Variants in TRABD2A observed in about 807,000 individuals in gnomAD.
TRABD2A encodes TraB domain containing 2A.
Under a neutral mutation model 45.6 loss-of-function variants are expected in TRABD2A, and 43 were observed. The observed-to-expected ratio is 0.94, with a 90% CI of 0.74 to 1.22. The LOEUF (loss-of-function observed/expected upper bound fraction) is 1.22, where lower values mean the gene tolerates loss of function less well. TRABD2A is among the 50% of genes most tolerant of loss of function. TRABD2A has a pLI of 0.00. For missense variants in TRABD2A, 642 were observed against 652.4 expected (o/e 0.98, Z 0.17); for synonymous variants, 269 against 265.0 (o/e 1.02, Z -0.15).
intron 1 of TRABD2A, among the ~76,000 whole-genome samples, chr2:84,873,048 G>C (rs1156290626): frequency 6.7e-6 from 1 of 150,152 alleles, no homozygotes; most frequent in Non-Finnish European, 1.5e-5. Flanking sequence ...CTAGGAGGTG[G>C]AGGTTGCAGT....
chr2:84,850,562 C>T (rs1682049274), intron 2 of TRABD2A: 1 of 152,012 alleles, frequency 6.6e-6, no homozygotes, highest in African/African-American at 2.4e-5. Flanking sequence ...GGTGGAGGCC[C>T]CAGAGAGAGA....
At chr2:84,874,806 C>A in intron 1 of TRABD2A, 1 of 225,388 alleles carries the variant, frequency 4.4e-6, no homozygotes, top group Non-Finnish European at 9.1e-6. Context: ...CCATTCAGAA[C>A]AGAGAGGCCC....
At position 84,870,780 on chromosome 2, in the gene TRABD2A, G is replaced by A. The variant is rs759252203; in HGVS notation, c.114C>T (p.Ser38=). 15 of 1,573,718 alleles carry A rather than the reference G, an allele frequency of 9.5e-6. No homozygotes were observed. Among genetic ancestry groups the A allele is most frequent in the Admixed American group, 7.4e-5 (4 of 53,752 alleles). Residue 38 remains serine (S), a synonymous_variant, in exon 2 of 7, where the codon AGC becomes AGT. Transcript: ENST00000409520. ...TGGTCCACAAGAAGGAATTCAGCTC[G>A]CTTTGCTGAAAAGAAAAGAGGTAAC... ...TANCELKPQQ[S]ELNSFLWTIK...
chr2:84,880,808 A>G (rs1683178379), intron 1 of TRABD2A, 124 bp downstream of exon 1: 1 of 1,384,222 alleles, frequency 7.2e-7, no homozygotes, highest in Non-Finnish European at 9.8e-7. Flanking sequence ...CCGCGGTGCT[A>G]GGTGAAAGCC....
chr2:84,827,289 G>A (rs1447215731), intron 5 of TRABD2A, among the ~76,000 whole-genome samples: 1 of 152,206 alleles, frequency 6.6e-6, no homozygotes, highest in African/African-American at 2.4e-5. Flanking sequence ...AAGTCTCCAA[G>A]AAAGAAACAC....
chr2:84,839,408 C>CG, intron 3 of TRABD2A, 85 bp from the exon 4 acceptor site: 1 of 1,324,978 alleles, frequency 7.5e-7, no homozygotes, highest in Non-Finnish European at 1.0e-6. Context: ...ATCCCCCAAC[C>CG]TAGATGGTCA....
intron 1 of TRABD2A, among the ~76,000 whole-genome samples, chr2:84,871,764 C>G (rs189265328): frequency 9.2e-5 from 14 of 152,316 alleles, no homozygotes; most frequent in African/African-American, 2.9e-4. Flanking sequence ...GAATTACAGG[C>G]GTGAGCCATT....
chr2:84,839,472 T>C, intron 3 of TRABD2A, 149 bp from the exon 4 acceptor site: 1 of 741,710 alleles, frequency 1.3e-6, no homozygotes, highest in Non-Finnish European at 2.1e-6. Context: ...GTCTGCTATG[T>C]TTCCCACTCT....
At chr2:84,833,571 T>A (rs376874332) in intron 4 of TRABD2A, 49 of 152,278 alleles carry the variant, frequency 3.2e-4, no homozygotes, top group African/African-American at 1.2e-3. Flanking sequence ...TCAGTTATCC[T>A]CATTTTGCAA....
intron 5 of TRABD2A, among the ~76,000 whole-genome samples, chr2:84,826,611 C>T (rs1351394561): frequency 6.6e-6 from 1 of 152,216 alleles, no homozygotes; most frequent in Non-Finnish European, 1.5e-5. Flanking sequence ...TGGCTCACTG[C>T]AACCTCCGCC....
At chr2:84,847,746 C>T (rs929740155) in intron 2 of TRABD2A, among the ~76,000 whole-genome samples, 2 of 152,210 alleles carry the variant, frequency 1.3e-5, no homozygotes, top group Admixed American at 6.5e-5. Context: ...GTGTTAGGCT[C>T]CTAGGGCTGC....
At chr2:84,879,182 CTT>C (rs34005884) in intron 1 of TRABD2A, among the ~76,000 whole-genome samples, 10,466 of 136,808 alleles carry the variant, frequency 0.077, 622 homozygotes, top group African/African-American at 0.18. Context: ...GTTTTCAATA[CTT>C]TTTTTTTTTT....
At position 84,880,989 on chromosome 2, in the gene TRABD2A, C is replaced by A; in HGVS notation, c.51G>T (p.Thr17=). 6.2e-7 allele frequency: 1 copy of A among 1,605,486 alleles called. No individual in the cohort carries two copies. The highest frequency in any genetic ancestry group is 1.7e-4 in the Middle Eastern group (1 of 5,930). Residue 17 remains threonine, a synonymous_variant, in exon 1 of 7, where the codon ACG becomes ACT. Transcript: ENST00000409520. ...GCGCCCCGCGCCGCGAAGCTGCGCC[C>A]GTGGGCAGGAGGCAGAGGGTCTGCA... is the stretch of plus-strand genomic sequence containing the variant. The part of the protein sequence containing the change: ...FLLQTLCLLP[T]GAASRRGAPG...
At chr2:84,840,337 C>G (rs2105380895) in intron 3 of TRABD2A, among the ~76,000 whole-genome samples, 1 of 152,266 alleles carries the variant, frequency 6.6e-6, no homozygotes, top group East Asian at 1.9e-4. Flanking sequence ...CCCAAAATCT[C>G]TTCTCTTCAG....
At chr2:84,822,372 CTT>C (rs1271087005) in intron 6 of TRABD2A, among the ~76,000 whole-genome samples, 2 of 152,172 alleles carry the variant, frequency 1.3e-5, no homozygotes, top group Non-Finnish European at 2.9e-5. Flanking sequence ...TAGTGAAAGT[CTT>C]CGTATAAGGC....
intron 2 of TRABD2A, chr2:84,843,878 A>G (rs1681795331): frequency 6.6e-6 from 1 of 152,238 alleles, no homozygotes; most frequent in Admixed American, 6.6e-5. Context: ...CCCTCCTTCC[A>G]CATAGTTTAC....
chr2:84,853,633 C>T (rs941048706), intron 2 of TRABD2A, among the ~76,000 whole-genome samples: 1 of 152,214 alleles, frequency 6.6e-6, no homozygotes, highest in South Asian at 2.1e-4. Flanking sequence ...TCCTACAAGA[C>T]AAGAAACACC....
At chr2:84,862,594 G>C (rs1454675262) in intron 2 of TRABD2A, among the ~76,000 whole-genome samples, 1 of 152,078 alleles carries the variant, frequency 6.6e-6, no homozygotes, top group Non-Finnish European at 1.5e-5. Flanking sequence ...TACAAAAATA[G>C]GTACAAAAAT....
At chr2:84,861,064 A>T (rs1477306796) in intron 2 of TRABD2A, among the ~76,000 whole-genome samples, 1 of 152,062 alleles carries the variant, frequency 6.6e-6, no homozygotes, top group African/African-American at 2.4e-5. Context: ...ATCTGCAAAC[A>T]CTTTCCATCA....
Sources: allele counts gnomAD v4.1 joint callset (sites outside exome capture counted in the v4.1 genomes callset), GRCh38; gene constraint gnomAD v4.1.1; transcripts MANE v1.5; gene names NCBI Gene and HGNC (gene_info 2026-07-23, HGNC 2026-07-21).